The following RFX3 variants were observed in gnomAD, a reference collection of about 807,000 sequenced individuals.
The protein encoded by RFX3 is transcription factor RFX3.
RFX3 carries 14 observed loss-of-function variants against 98.6 expected under a neutral mutation model. That is an observed-to-expected ratio of 0.14 (90% CI 0.09 to 0.22). The LOEUF (loss-of-function observed/expected upper bound fraction) is 0.22, where lower values mean the gene tolerates loss of function less well. Ranked by LOEUF, RFX3 falls within the 10% of genes least tolerant of loss-of-function variation. RFX3 has a pLI of 1.00. For synonymous variants in RFX3, 383 were observed against 328.4 expected, an observed-to-expected ratio of 1.17 and a Z score of -1.80; for missense variants, 639 against 926.9, an observed-to-expected ratio of 0.69 and a Z score of 4.03.
At chr9:3,428,452 C>G (rs1050655249) in intron 1 of RFX3, among the ~76,000 whole-genome samples, 1 of 152,116 alleles carries the variant, frequency 6.6e-6, no homozygotes, top group Non-Finnish European at 1.5e-5. Context: ...TAAGTAAAAA[C>G]GTTTAAAATT....
intron 1 of RFX3, among the ~76,000 whole-genome samples, chr9:3,408,321 A>G (rs1587551514): frequency 6.6e-6 from 1 of 152,176 alleles, no homozygotes; most frequent in South Asian, 2.1e-4. Context: ...CCCCATAGCA[A>G]TCCCATAGGT....
rs1161062727 is a variant in RFX3, at chr9:3,277,502, T to C, written c.852-41A>G. The C allele has an allele frequency of 1.9e-6, 3 of 1,582,396 alleles. No homozygotes were observed. In the South Asian group the frequency reaches 3.3e-5, roughly 18 times the overall value. ...GGAAAAAAACAAATAAACCAAATTA[T>C]TCCTTGCTTTTTTGTACTACCCGAA... On this transcript the variant is annotated intron_variant, in intron 7 of 16. Transcript: ENST00000617270.
At chr9:3,226,593 C>T (rs1318078469) in intron 16 of RFX3, among the ~76,000 whole-genome samples, 2 of 152,138 alleles carry the variant, frequency 1.3e-5, no homozygotes, top group Admixed American at 6.5e-5. Context: ...AAAGACATCT[C>T]GGCCCACCGA....
In RFX3 at chr9:3,224,131, T is replaced by C. The variant is rs1817524285; in HGVS notation, c.*911A>G. 6.6e-6 allele frequency: 1 copy of C among 152,148 alleles called. No individual in the cohort carries two copies. The highest frequency in any genetic ancestry group is 2.4e-5 in the African/African-American group (1 of 41,432). The allele number at this position is 152,148 out of a possible 1,614,324, so 9.4% of individuals were successfully genotyped here. Reference sequence around the variant, plus strand: ...AGAAAGTCATCCAAATGGAATGGTTTCCTGTATGTCCAGCTCAGCATAAGT... The same window carrying C: ...AGAAAGTCATCCAAATGGAATGGTTCCCTGTATGTCCAGCTCAGCATAAGT... On this transcript the variant is annotated 3_prime_UTR_variant, in exon 17 of 17. Transcript: ENST00000617270.
intron 1 of RFX3, among the ~76,000 whole-genome samples, chr9:3,501,407 AAAAT>A (rs1292665579): frequency 1.3e-5 from 2 of 152,172 alleles, no homozygotes; most frequent in Non-Finnish European, 2.9e-5. Flanking sequence ...TATAAAAAGA[AAAAT>A]AAAATTACTC....
At chr9:3,368,575 A>G (rs1837469691) in intron 2 of RFX3, among the ~76,000 whole-genome samples, 1 of 152,226 alleles carries the variant, frequency 6.6e-6, no homozygotes, top group Non-Finnish European at 1.5e-5. Context: ...AGACAGGGAT[A>G]TCATTTCCTT....
At chr9:3,487,943 G>C (rs1360633878) in intron 1 of RFX3, among the ~76,000 whole-genome samples, 1 of 152,088 alleles carries the variant, frequency 6.6e-6, no homozygotes, top group Admixed American at 6.6e-5. Flanking sequence ...GTTGGGAAAA[G>C]CTAAATAAGA....
chr9:3,494,488 C>T (rs1850964917), intron 1 of RFX3, among the ~76,000 whole-genome samples: 1 of 152,116 alleles, frequency 6.6e-6, no homozygotes. Context: ...GGCTACTTTT[C>T]AAGCTAGAAA....
At chr9:3,483,840 T>C (rs891733266) in intron 1 of RFX3, among the ~76,000 whole-genome samples, 5 of 152,324 alleles carry the variant, frequency 3.3e-5, no homozygotes, top group Non-Finnish European at 4.4e-5. Context: ...TATCTTAACA[T>C]AGTATTTATA....
At chr9:3,316,780 A>G (rs1830651609) in intron 4 of RFX3, among the ~76,000 whole-genome samples, 1 of 152,210 alleles carries the variant, frequency 6.6e-6, no homozygotes, top group Non-Finnish European at 1.5e-5. Flanking sequence ...TGCATCAAAG[A>G]GAATAAAATA....
At chr9:3,436,759 T>C (rs1845160567) in intron 1 of RFX3, among the ~76,000 whole-genome samples, 1 of 151,990 alleles carries the variant, frequency 6.6e-6, no homozygotes, top group Admixed American at 6.6e-5. Context: ...AAAAATGAAC[T>C]TGAGAAGACA....
chr9:3,347,723 G>T (rs1179387863), intron 2 of RFX3, among the ~76,000 whole-genome samples: 1 of 152,014 alleles, frequency 6.6e-6, no homozygotes, highest in African/African-American at 2.4e-5. Context: ...CTGCTTGGGA[G>T]GCTGAGACAG....
At chr9:3,315,525 G>C (rs1461901231) in intron 4 of RFX3, among the ~76,000 whole-genome samples, 4 of 151,892 alleles carry the variant, frequency 2.6e-5, no homozygotes, top group South Asian at 2.1e-4. Flanking sequence ...ACTAAGATCA[G>C]AGCAGAACTG....
chr9:3,480,669 C>T (rs1849671549), intron 1 of RFX3, among the ~76,000 whole-genome samples: 1 of 152,174 alleles, frequency 6.6e-6, no homozygotes, highest in African/African-American at 2.4e-5. Flanking sequence ...GAGAGTCAAT[C>T]TACGTTCACC....
chr9:3,516,056 T>A (rs1027930363), intron 1 of RFX3, among the ~76,000 whole-genome samples: 19 of 142,514 alleles, frequency 1.3e-4, no homozygotes, highest in Middle Eastern at 3.2e-3. Context: ...AAAAAAAAAA[T>A]TTTTTTTTTT....
intron 1 of RFX3, among the ~76,000 whole-genome samples, chr9:3,449,159 GATATCATATTA>G (rs1846330340): frequency 6.6e-6 from 1 of 152,162 alleles, no homozygotes; most frequent in Non-Finnish European, 1.5e-5. Context: ...AGAATTAAAT[GATATCATATTA>G]ATACATAGGA....
chr9:3,401,473 T>C (rs1841466046), intron 1 of RFX3, among the ~76,000 whole-genome samples: 1 of 152,244 alleles, frequency 6.6e-6, no homozygotes, highest in African/African-American at 2.4e-5. Context: ...TTCTGGTGTT[T>C]TGTTTATGTT....
intron 1 of RFX3, among the ~76,000 whole-genome samples, chr9:3,399,567 A>G (rs891846431): frequency 2.0e-5 from 3 of 152,332 alleles, no homozygotes; most frequent in Non-Finnish European, 4.4e-5. Flanking sequence ...ACTCTTTTCA[A>G]TTGAATGGCC....
At chr9:3,253,721 T>G (rs1821736436) in intron 14 of RFX3, among the ~76,000 whole-genome samples, 1 of 152,166 alleles carries the variant, frequency 6.6e-6, no homozygotes, top group Admixed American at 6.5e-5. Context: ...TACAAAAAAT[T>G]TTAGAAATTA....
Sources: allele counts gnomAD v4.1 joint callset (sites outside exome capture counted in the v4.1 genomes callset), GRCh38; gene constraint gnomAD v4.1.1; transcripts MANE v1.5; gene names NCBI Gene and HGNC (gene_info 2026-07-23, HGNC 2026-07-21).